GPR137: variants seen among roughly 807,000 people sequenced by gnomAD.
GPR137 encodes the protein integral membrane protein GPR137.
Under a neutral mutation model 38.9 loss-of-function variants are expected in GPR137, and 20 were observed. The ratio of observed to expected loss-of-function variants is 0.51; its 90% confidence interval spans 0.36 to 0.75. The LOEUF is 0.75. GPR137 is among the 30% of genes least tolerant of loss of function. GPR137 has a pLI of 0.00. For synonymous variants in GPR137, 226 were observed against 235.8 expected (o/e 0.96, Z 0.38); for missense variants, 456 against 526.4 (o/e 0.87, Z 1.31).
upstream of GPR137, chr11:64,271,509 T>C: frequency 8.4e-7 from 1 of 1,193,794 alleles, no homozygotes. Context: ...TGGGGAGGGG[T>C]CGTGGGACTC....
In GPR137 at chr11:64,288,758, A is replaced by ACCC; in HGVS notation, c.1031+38_1031+40dup. 1.4e-6 allele frequency: 2 copies of ACCC among 1,450,050 alleles called. No homozygotes were observed. Among genetic ancestry groups the ACCC allele is most frequent in the Non-Finnish European group, 1.8e-6 (2 of 1,089,038 alleles). 89.8% of individuals were successfully genotyped at this position (1,450,050 alleles called of 1,614,324 possible). On this transcript the variant is annotated intron_variant, in intron 6 of 6. Transcript: ENST00000438980. The surrounding 1 kb of genome is among the most constrained non-coding windows in gnomAD (Gnocchi z 5.5). Reference sequence around the variant, plus strand: ...GGCACTGCCTCAGTACCCCTGCCCTACCCGCCCACCCCGCTGGCTCCATCA... The same window carrying ACCC: ...GGCACTGCCTCAGTACCCCTGCCCTACCCCCCGCCCACCCCGCTGGCTCCATCA...
chr11:64,284,878 G>T, upstream of GPR137: 1 of 1,475,032 alleles, frequency 6.8e-7, no homozygotes. Context: ...CATCCTCGCT[G>T]CCTCACACCT....
Position 64,288,113 on chromosome 11 carries a change from C to T in GPR137, c.682C>T (p.Leu228Phe). 8 of 1,612,476 alleles carry T rather than the reference C, an allele frequency of 5.0e-6. No individual in the cohort carries two copies. The highest frequency in any genetic ancestry group is 6.8e-6 in the Non-Finnish European group (8 of 1,179,994). The change falls in exon 4 of 7, where the codon CTC becomes TTC. Residue 228 changes from leucine to phenylalanine, a missense_variant. Transcript: ENST00000438980. This position sits in a 1 kb window ranked among gnomAD's most constrained non-coding sequence, Gnocchi z 5.5. ...CGCGATGGGTGGCGCCATGGTCCTG[C>T]TCTATGCCAGCCGGGCCTGCTACAA... ...AAAMGGAMVL[L>F]YASRACYNLT...
upstream of GPR137, chr11:64,272,726 C>G (rs1332749017): frequency 6.6e-6 from 1 of 152,280 alleles, no homozygotes; most frequent in African/African-American, 2.4e-5. Context: ...TGCCCAGTTT[C>G]TGTGAAGCTG....
chr11:64,270,719 C>A, upstream of GPR137: 1 of 489,862 alleles, frequency 2.0e-6, no homozygotes, highest in Non-Finnish European at 4.0e-6. Context: ...CCTTTGAGGC[C>A]AGGAGTTCCA....
At chr11:64,287,378 C>T (rs1220323771) in intron 2 of GPR137, 13 of 906,406 alleles carry the variant, frequency 1.4e-5, no homozygotes, top group Non-Finnish European at 1.7e-5. Context: ...AAGAGCTTTC[C>T]CAGCCATCTT....
At chr11:64,277,269 C>T (rs1266289555) in intron 2 of GPR137, among the ~76,000 whole-genome samples, 1 of 152,202 alleles carries the variant, frequency 6.6e-6, no homozygotes, top group African/African-American at 2.4e-5. Flanking sequence ...AGTGCTGCCA[C>T]CCCACCCTGG....
At position 64,285,859 on chromosome 11, in the gene GPR137, A is replaced by T; in HGVS notation, c.-666A>T. ...AGGGGGAGGGGGGCGGAGCAGCGGG[A>T]GCCGGGGAGCCGGAGCCCCGGGTCC... On this transcript the variant is annotated 5_prime_UTR_variant, in exon 1 of 7. Transcript: ENST00000438980. The T allele has an allele frequency of 5.1e-6, 5 of 982,802 alleles. No homozygotes were observed. In the South Asian group the frequency reaches 1.9e-4, roughly 37 times the overall value. The allele number at this position is 982,802 out of a possible 1,614,324, so 60.9% of individuals were successfully genotyped here. A position where few individuals can be genotyped will look rare whatever the true frequency, so the allele number is the denominator to read the frequency against.
chr11:64,287,213 T>G, intron 2 of GPR137, 199 bp downstream of exon 2: 1 of 985,248 alleles, frequency 1.0e-6, no homozygotes, highest in Non-Finnish European at 1.2e-6. Flanking sequence ...GGAATAGGAA[T>G]GCTTGTGGTA....
intron 2 of GPR137, among the ~76,000 whole-genome samples, chr11:64,277,210 C>T (rs2033134857): frequency 6.6e-6 from 1 of 152,220 alleles, no homozygotes; most frequent in South Asian, 2.1e-4. Context: ...GCCGACCACA[C>T]ACAATCTGCT....
upstream of GPR137, among the ~76,000 whole-genome samples, chr11:64,274,352 A>T (rs1162532823): frequency 2.7e-5 from 4 of 149,938 alleles, no homozygotes; most frequent in East Asian, 7.9e-4. Flanking sequence ...ACGCCACTGC[A>T]CTCCAGCCTG....
At chr11:64,273,067 T>C (rs925272602), upstream of GPR137, among the ~76,000 whole-genome samples, 1 of 151,866 alleles carries the variant, frequency 6.6e-6, no homozygotes, top group Non-Finnish European at 1.5e-5. Flanking sequence ...CTCTATTAAT[T>C]TAAAAAATTA....
upstream of GPR137, among the ~76,000 whole-genome samples, chr11:64,280,332 A>AAATAATAAT (rs144682603): frequency 6.6e-4 from 81 of 123,508 alleles, 1 homozygote; most frequent in South Asian, 3.2e-3. Context: ...AAATAAAATA[A>AAATAATAAT]AATAATAATA....
At chr11:64,284,890 G>A (rs532262628), upstream of GPR137, 18 of 1,446,062 alleles carry the variant, frequency 1.2e-5, no homozygotes, top group Admixed American at 2.7e-5. Context: ...CTCACACCTT[G>A]GGCGTGTGTG....
At chr11:64,277,940 A>C (rs1396258491) in intron 2 of GPR137, among the ~76,000 whole-genome samples, 3 of 152,142 alleles carry the variant, frequency 2.0e-5, no homozygotes, top group Non-Finnish European at 4.4e-5. Flanking sequence ...TGAAATTTGA[A>C]TTTCATAGAA....
chr11:64,287,099 G>A, intron 2 of GPR137, 85 bp downstream of exon 2: 1 of 1,536,238 alleles, frequency 6.5e-7, no homozygotes, highest in Admixed American at 2.0e-5. Flanking sequence ...ACCTCTCAGG[G>A]CTGAGACAAA....
At chr11:64,284,586 G>A (rs1284831113), upstream of GPR137, 1 of 1,494,700 alleles carries the variant, frequency 6.7e-7, no homozygotes, top group African/African-American at 1.4e-5. Context: ...AACCCCGGTG[G>A]ACCCAGGCCC....
chr11:64,277,224 G>A (rs1392184505), intron 2 of GPR137, among the ~76,000 whole-genome samples: 1 of 152,146 alleles, frequency 6.6e-6, no homozygotes, highest in African/African-American at 2.4e-5. Flanking sequence ...ATCTGCTGCC[G>A]GGGGAGGCTG....
upstream of GPR137, among the ~76,000 whole-genome samples, chr11:64,279,876 G>A (rs1255334101): frequency 2.0e-5 from 3 of 151,652 alleles, no homozygotes; most frequent in Non-Finnish European, 4.4e-5. Flanking sequence ...ATCCTACCGG[G>A]TGCTCAAGCC....
Sources: allele counts gnomAD v4.1 joint callset (sites outside exome capture counted in the v4.1 genomes callset), GRCh38; gene constraint gnomAD v4.1.1; non-coding constraint Gnocchi (gnomAD v3.1); transcripts MANE v1.5; gene names NCBI Gene and HGNC (gene_info 2026-07-23, HGNC 2026-07-21).